PPP2R5C: variants seen among roughly 807,000 people sequenced by gnomAD.
PPP2R5C encodes serine/threonine-protein phosphatase 2A 56 kDa regulatory subunit gamma isoform.
Under a neutral mutation model 68.9 loss-of-function variants are expected in PPP2R5C, and 7 were observed. That is an observed-to-expected ratio of 0.10 (90% CI 0.06 to 0.19). The LOEUF is 0.19. PPP2R5C is among the 10% of genes least tolerant of loss of function. PPP2R5C has a pLI of 1.00. For missense variants in PPP2R5C, 348 were observed against 641.3 expected (o/e 0.54, Z 4.94); for synonymous variants, 210 against 222.2 (o/e 0.95, Z 0.49).
chr14:101,804,555 T>A (rs967787581), intron 3 of PPP2R5C, among the ~76,000 whole-genome samples: 17 of 152,132 alleles, frequency 1.1e-4, no homozygotes, highest in African/African-American at 3.9e-4. Flanking sequence ...AAAGATCCAG[T>A]CATCTGCAGC....
intron 2 of PPP2R5C, among the ~76,000 whole-genome samples, chr14:101,776,305 C>G (rs931286387): frequency 6.6e-5 from 10 of 152,184 alleles, no homozygotes; most frequent in Non-Finnish European, 1.3e-4. Flanking sequence ...CTGTAACCAG[C>G]ATTCCAGAAG....
chr14:101,849,703 CCTTT>C (rs1039986737), intron 1 of PPP2R5C, among the ~76,000 whole-genome samples: 37 of 91,162 alleles, frequency 4.1e-4, no homozygotes, highest in African/African-American at 1.1e-3. Flanking sequence ...CCAGTTGCTT[CCTTT>C]CTTTCTTTCT....
At chr14:101,904,868 G>A (rs1278730722) in intron 9 of PPP2R5C, among the ~76,000 whole-genome samples, 3 of 152,220 alleles carry the variant, frequency 2.0e-5, no homozygotes, top group Admixed American at 1.3e-4. Flanking sequence ...GCTGTGATGG[G>A]GACAGGCCAA....
rs999097985 is a variant in PPP2R5C at position 101,917,052 on chromosome 14, G to A, written c.1327-779G>A. The stretch of plus-strand genomic sequence containing the variant: ...GCCTGTGCCCTCAGAGCCAGCAGAC[G>A]CTCGTCACAGTCATACTGTCCTGTG... On this transcript the variant is annotated intron_variant, in intron 12 of 13. Transcript: ENST00000334743. The surrounding 1 kb of genome is among the most constrained non-coding windows in gnomAD (Gnocchi z 4.4). Among the ~76,000 whole-genome samples, 4 of 152,108 alleles carry A rather than the reference G, an allele frequency of 2.6e-5. No homozygotes were observed. Among genetic ancestry groups the A allele is most frequent in the African/African-American group, 7.2e-5 (3 of 41,396 alleles).
At chr14:101,785,874 A>G in intron 2 of PPP2R5C, 144 bp from the exon 3 acceptor site, 1 of 681,870 alleles carries the variant, frequency 1.5e-6, no homozygotes, top group Non-Finnish European at 2.2e-6. Flanking sequence ...CCCATACTCC[A>G]GCCACTCTAA....
rs1170088158 is a variant in PPP2R5C, at chr14:101,909,698, G to C, written c.1253+8G>C. 1.3e-6 allele frequency: 2 copies of C among 1,562,740 alleles called. No homozygotes were observed. The highest frequency in any genetic ancestry group is 2.7e-5 in the African/African-American group (2 of 73,836). ...CAAAGCAGAGAAACTAAAGTGAGTT[G>C]TTCCTTTCACAAGTTACTGTTTCCA... is the stretch of plus-strand genomic sequence containing the variant. On this transcript the variant is annotated splice_region_variant and intron_variant, in intron 11 of 13. Coordinates refer to ENST00000334743, the Ensembl canonical transcript of PPP2R5C.
chr14:101,884,489 C>T (rs901363325), intron 5 of PPP2R5C, among the ~76,000 whole-genome samples: 12 of 152,226 alleles, frequency 7.9e-5, no homozygotes, highest in Non-Finnish European at 1.3e-4. Flanking sequence ...GGAGGCGGGG[C>T]AAGAAGTGAT....
chr14:101,780,611 T>C (rs2037630621), intron 2 of PPP2R5C, among the ~76,000 whole-genome samples: 1 of 152,170 alleles, frequency 6.6e-6, no homozygotes. Flanking sequence ...GTTCCCTGCG[T>C]CCAGATCGCT....
chr14:101,770,658 G>C (rs1360472007), intron 2 of PPP2R5C, among the ~76,000 whole-genome samples: 1 of 152,208 alleles, frequency 6.6e-6, no homozygotes, highest in Non-Finnish European at 1.5e-5. Context: ...TTCAGTAAAA[G>C]CTTCGCTACG....
chr14:101,765,665 TCAAGTGATCCTC>T (rs2036817887), intron 2 of PPP2R5C: 1 of 154,210 alleles, frequency 6.5e-6, no homozygotes. Flanking sequence ...CCTCCCGGGT[TCAAGTGATCCTC>T]TTGCCTCAGC....
At position 101,915,603 on chromosome 14, in the gene PPP2R5C, C is replaced by A. The variant is rs1332642670; in HGVS notation, c.1327-2228C>A. 6.6e-6 allele frequency among the ~76,000 whole-genome samples: 1 copy of A among 152,196 alleles called. No individual in the cohort carries two copies. Among genetic ancestry groups the A allele is most frequent in the Non-Finnish European group, 1.5e-5 (1 of 68,036 alleles). ...AAGCAGAAGAAGCGTTGGTGTGAAA[C>A]AGTCCCCGCAAGTCTCAGGAGTCTT... On this transcript the variant is annotated intron_variant, in intron 12 of 13. Coordinates refer to ENST00000334743, the Ensembl canonical transcript of PPP2R5C. This position sits in a 1 kb window ranked among gnomAD's most constrained non-coding sequence, Gnocchi z 4.2.
At chr14:101,905,613 C>T (rs902497852) in intron 9 of PPP2R5C, among the ~76,000 whole-genome samples, 5 of 151,836 alleles carry the variant, frequency 3.3e-5, no homozygotes, top group East Asian at 3.9e-4. Context: ...GCCAAGATCA[C>T]GCCATTGCAC....
chr14:101,912,304 C>A, intron 11 of PPP2R5C, 97 bp from the exon 14 acceptor site: 1 of 1,027,590 alleles, frequency 9.7e-7, no homozygotes, highest in Non-Finnish European at 1.4e-6. Context: ...GCGGGAGGAG[C>A]CGCTGGCTGG....
At chr14:101,787,204 C>G (rs117685340) in intron 3 of PPP2R5C, among the ~76,000 whole-genome samples, 3 of 152,206 alleles carry the variant, frequency 2.0e-5, no homozygotes, top group Non-Finnish European at 4.4e-5. Context: ...GAACCATGAT[C>G]GTGCCACTGC....
Position 101,883,118 on chromosome 14 carries a change from A to G in PPP2R5C, c.406-139A>G, listed in dbSNP as rs2044262717. The G allele has an allele frequency of 6.4e-6, 4 of 620,940 alleles. No homozygotes were observed. The East Asian group carries it at 1.1e-4, about 18-fold the overall frequency. The allele number at this position is 620,940 out of a possible 1,614,324, so 38.5% of individuals were successfully genotyped here. On this transcript the variant is annotated intron_variant, in intron 3 of 13. Coordinates refer to ENST00000334743, the Ensembl canonical transcript of PPP2R5C. ...CATTTATCATTGAATTAAGCCATGT[A>G]ATTTAGCATTAATTCTGTAGATATG...
chr14:101,899,756 A>G lies in PPP2R5C; in HGVS notation c.853-1963A>G, dbSNP rs1375741440. On this transcript the variant is annotated intron_variant, in intron 8 of 13. Transcript: ENST00000334743. The surrounding 1 kb of genome is among the most constrained non-coding windows in gnomAD (Gnocchi z 4.2). ...ACACGCAAAGTGTGGTAGGAACACA[A>G]TAAATACTTATTCAATAGTTTTGAG... Among the ~76,000 whole-genome samples the G allele has an allele frequency of 1.3e-5, 2 of 152,266 alleles. No homozygotes were observed. The highest frequency in any genetic ancestry group is 2.9e-5 in the Non-Finnish European group (2 of 68,044).
intron 1 of PPP2R5C, among the ~76,000 whole-genome samples, chr14:101,816,782 G>A (rs1044974056): frequency 6.7e-6 from 1 of 149,946 alleles, no homozygotes; most frequent in African/African-American, 2.5e-5. Context: ...CTAGCTGAGG[G>A]GATATACAAT....
chr14:101,762,902 C>T lies in PPP2R5C; in HGVS notation c.28-3C>T. 6.3e-7 allele frequency: 1 copy of T among 1,579,794 alleles called. No individual in the cohort carries two copies. On this transcript the variant is annotated splice_region_variant and splice_polypyrimidine_tract_variant and intron_variant, in intron 1 of 14. Transcript: ENST00000328724. Reference sequence around the variant, plus strand: ...CTAATTGACTTTGCTTGATGTTTACCAGGAATCACCAAAAGCAGGGAAGAG... The same window carrying T: ...CTAATTGACTTTGCTTGATGTTTACTAGGAATCACCAAAAGCAGGGAAGAG...
intron 1 of PPP2R5C, chr14:101,833,357 G>T (rs1299888561): frequency 6.6e-6 from 1 of 152,234 alleles, no homozygotes; most frequent in Non-Finnish European, 1.5e-5. Context: ...ATATGTCTTG[G>T]CCAGCTCTGA....
Sources: gnomAD v4.1 joint callset for allele counts (sites outside exome capture counted in the v4.1 genomes callset) on GRCh38, gnomAD v4.1.1 for gene constraint, Gnocchi (gnomAD v3.1) non-coding constraint, MANE v1.5 for transcripts, NCBI Gene and HGNC (gene_info 2026-07-23, HGNC 2026-07-21) for gene names.